The following SAFB2 variants were observed in gnomAD, a reference collection of about 807,000 sequenced individuals.
SAFB2 encodes the protein scaffold attachment factor B2.
A neutral mutation model predicts 100.6 loss-of-function variants in SAFB2; 32 were observed. The ratio of observed to expected loss-of-function variants is 0.32; its 90% CI spans 0.24 to 0.43. The LOEUF (loss-of-function observed/expected upper bound fraction) is 0.43, where lower values mean the gene tolerates loss of function less well. SAFB2 is among the 20% of genes least tolerant of loss of function. SAFB2 has a pLI of 1.00. For missense variants in SAFB2, 1,185 were observed against 1,163.4 expected, an observed-to-expected ratio of 1.02 and a Z score of -0.27; for synonymous variants, 500 against 439.4, an observed-to-expected ratio of 1.14 and a Z score of -1.72.
At chr19:5,619,207 C>T (rs1304572063) in intron 2 of SAFB2, among the ~76,000 whole-genome samples, 1 of 152,146 alleles carries the variant, frequency 6.6e-6, no homozygotes, top group Non-Finnish European at 1.5e-5. Flanking sequence ...CCATTAGCCA[C>T]GTGCCCCGAC....
chr19:5,591,630 C>T, intron 17 of SAFB2, 118 bp downstream of exon 17: 1 of 892,862 alleles, frequency 1.1e-6, no homozygotes, highest in Non-Finnish European at 1.8e-6. Context: ...ATACCCGCCA[C>T]ACGTGCTGAC....
intron 9 of SAFB2, among the ~76,000 whole-genome samples, chr19:5,607,031 G>A (rs576379263): frequency 6.6e-6 from 1 of 152,338 alleles, no homozygotes; most frequent in East Asian, 1.9e-4. Context: ...GGAGGCCGAG[G>A]TGGGAGGATC....
intron 11 of SAFB2, among the ~76,000 whole-genome samples, chr19:5,600,755 C>G (rs2052638665): frequency 6.6e-6 from 1 of 152,180 alleles, no homozygotes; most frequent in South Asian, 2.1e-4. Flanking sequence ...GGCCAACACC[C>G]CTCGACCGGT....
At chr19:5,609,820 T>G (rs544951023) in intron 9 of SAFB2, among the ~76,000 whole-genome samples, 175 bp downstream of exon 9, 1 of 152,036 alleles carries the variant, frequency 6.6e-6, no homozygotes, top group South Asian at 2.1e-4. Flanking sequence ...CATTTTTTAG[T>G]AAACACAACA....
chr19:5,600,682 T>C (rs548218293), intron 11 of SAFB2, among the ~76,000 whole-genome samples: 2 of 152,318 alleles, frequency 1.3e-5, no homozygotes, highest in East Asian at 3.9e-4. Flanking sequence ...CTCAACGGGA[T>C]GGAGGCACAG....
In SAFB2 at chr19:5,611,321, G is replaced by C; in HGVS notation, c.944C>G (p.Pro315Arg). The C allele has an allele frequency of 2.8e-6, 1 of 359,036 alleles. No homozygotes were observed. The highest frequency in any genetic ancestry group is 4.6e-6 in the Non-Finnish European group (1 of 218,552). The allele number at this position is 359,036 out of a possible 1,614,324, so 22.2% of individuals were successfully genotyped here. The change falls in exon 7 of 21, where the codon CCG becomes CGG. Residue 315 changes from proline (P) to arginine (R), a missense_variant. By Grantham distance (103) the Pro-to-Arg change is moderately radical. Coordinates refer to ENST00000252542, the MANE Select transcript of SAFB2 (RefSeq NM_014649.3). Reference sequence around the variant, plus strand: ...GGCCGCACTACTCTGCTCAACTGCCGGCTCTAGCCCTACAGGCTCACAGTC... The same window carrying C: ...GGCCGCACTACTCTGCTCAACTGCCCGCTCTAGCCCTACAGGCTCACAGTC... ...RTDCEPVGLEPAVEQSSAASE... is the reference protein window; with the variant it reads ...RTDCEPVGLERAVEQSSAASE...
At chr19:5,622,376 C>G (rs1336592420) in intron 1 of SAFB2, among the ~76,000 whole-genome samples, 154 bp downstream of exon 1, 2 of 152,186 alleles carry the variant, frequency 1.3e-5, no homozygotes, top group African/African-American at 4.8e-5. Context: ...CAAGGTCACA[C>G]AGCCGGCCCC....
chr19:5,587,582 G>T lies in SAFB2; in HGVS notation c.2705+119C>A. 6.9e-7 allele frequency: 1 copy of T among 1,448,220 alleles called. No individual in the cohort carries two copies. The highest frequency in any genetic ancestry group is 9.2e-7 in the Non-Finnish European group (1 of 1,089,200). The allele number at this position is 1,448,220 out of a possible 1,614,324, so 89.7% of individuals were successfully genotyped here. Reference sequence around the variant, plus strand: ...GCGTTATTTGCATAAATTGCAAAGAGCTGCTTTTTGCTTTGTTTTCATAAC... The same window carrying T: ...GCGTTATTTGCATAAATTGCAAAGATCTGCTTTTTGCTTTGTTTTCATAAC... On this transcript the variant is annotated intron_variant, in intron 20 of 20. Coordinates refer to ENST00000252542, the MANE Select transcript of SAFB2 (RefSeq NM_014649.3). This position sits in a 1 kb window ranked among gnomAD's most constrained non-coding sequence, Gnocchi z 4.9.
chr19:5,610,570 T>C, intron 8 of SAFB2, 69 bp downstream of exon 8: 4 of 1,129,652 alleles, frequency 3.5e-6, no homozygotes, highest in Non-Finnish European at 5.2e-6. Flanking sequence ...AGTGTGTATA[T>C]CTCCAGGCCC....
chr19:5,615,808 G>T (rs2145358353), intron 4 of SAFB2, among the ~76,000 whole-genome samples: 1 of 152,346 alleles, frequency 6.6e-6, no homozygotes, highest in Non-Finnish European at 1.5e-5. Flanking sequence ...GAGGATCGCT[G>T]GAGCCCAAGA....
At chr19:5,605,070 G>T in intron 9 of SAFB2, 134 bp from the exon 10 acceptor site, 2 of 1,023,332 alleles carry the variant, frequency 2.0e-6, no homozygotes, top group Non-Finnish European at 2.8e-6. Flanking sequence ...TTTAGTTACT[G>T]AATTGGTTCT....
At position 5,610,668 on chromosome 19, in the gene SAFB2, T is replaced by C. The variant is rs200501014; in HGVS notation, c.1166A>G (p.Asp389Gly). 1.3e-6 allele frequency: 2 copies of C among 1,570,632 alleles called. No individual in the cohort carries two copies. Among genetic ancestry groups the C allele is most frequent in the South Asian group, 1.1e-5 (1 of 87,328 alleles). ...TTCATCTTTAATGATTGGCTTTATA[T>C]CTTTTTCTTCCTTAAAAGAGCTAGA... ...QKMSSFKEEK[D>G]IKPIIKDEKG... is the part of the protein sequence containing the mutation. Residue 389 changes from aspartate (D) to glycine (G), a missense_variant, in exon 8 of 21, where the codon GAT becomes GGT. Asp to Gly is a moderately conservative substitution (Grantham distance 94, BLOSUM62 -1). Coordinates refer to ENST00000252542, the MANE Select transcript of SAFB2 (RefSeq NM_014649.3).
intron 12 of SAFB2, among the ~76,000 whole-genome samples, chr19:5,599,225 C>T (rs1174912120): frequency 6.6e-6 from 1 of 152,166 alleles, no homozygotes; most frequent in East Asian, 1.9e-4. Flanking sequence ...TATGCTGTCA[C>T]TCCTCCCTGA....
intron 13 of SAFB2, among the ~76,000 whole-genome samples, chr19:5,598,328 G>A (rs1384845010): frequency 6.6e-6 from 1 of 152,116 alleles, no homozygotes; most frequent in African/African-American, 2.4e-5. Context: ...GTCTAGTTGT[G>A]TGCACAACTC....
intron 11 of SAFB2, 71 bp from the exon 12 acceptor site, chr19:5,600,331 C>CA: frequency 6.3e-7 from 1 of 1,576,784 alleles, no homozygotes; most frequent in Non-Finnish European, 8.6e-7. Flanking sequence ...CCCAGAGCCT[C>CA]GACTCACACA....
chr19:5,600,294 A>G, intron 11 of SAFB2, 34 bp from the exon 12 acceptor site: 1 of 1,607,846 alleles, frequency 6.2e-7, no homozygotes. Context: ...ATTTGAGTTC[A>G]CAAGACTCTG....
rs1197761350 is a variant in SAFB2 at position 5,594,077 on chromosome 19, C to T, written c.2021G>A (p.Arg674His). ...QRERLQLECQ[R>H]QRLERERMER... ...CATGCGCTCCCGCTCCAGCCGCTGGCGCTGGCACTCGAGCTGCAGGCGTTC... is the reference window on the plus strand; with the variant it reads ...CATGCGCTCCCGCTCCAGCCGCTGGTGCTGGCACTCGAGCTGCAGGCGTTC... Residue 674 changes from arginine to histidine, a missense_variant, in exon 15 of 21, where the codon CGC becomes CAC. By Grantham distance (29) the Arg-to-His change is conservative. Transcript: ENST00000252542. 6.9e-6 allele frequency: 11 copies of T among 1,595,242 alleles called. No homozygotes were observed. Among genetic ancestry groups the T allele is most frequent in the East Asian group, 2.2e-5 (1 of 44,484 alleles).
intron 9 of SAFB2, 31 bp from the exon 10 acceptor site, chr19:5,604,967 A>G (rs1364076968): frequency 6.2e-7 from 1 of 1,604,070 alleles, no homozygotes; most frequent in African/African-American, 1.3e-5. Context: ...TTACTCTCTC[A>G]TACAAATGAC....
intron 18 of SAFB2, 36 bp from the exon 19 acceptor site, chr19:5,588,016 G>A (rs1314554409): frequency 3.2e-6 from 5 of 1,578,294 alleles, no homozygotes; most frequent in Admixed American, 1.8e-5. Context: ...GCCATCTAAT[G>A]AGCCTCCAGG....
Sources: allele counts gnomAD v4.1 joint callset (sites outside exome capture counted in the v4.1 genomes callset), GRCh38; gene constraint gnomAD v4.1.1; non-coding constraint Gnocchi (gnomAD v3.1); transcripts MANE v1.5; gene names NCBI Gene and HGNC (gene_info 2026-07-23, HGNC 2026-07-21).